Variants in SLC2A9 observed in about 807,000 individuals in gnomAD.
SLC2A9 encodes the protein solute carrier family 2 member 9.
SLC2A9 carries 39 observed loss-of-function variants against 50.6 expected under a neutral mutation model. The ratio of observed to expected loss-of-function variants is 0.77; its 90% CI spans 0.60 to 1.01. SLC2A9 has a LOEUF of 1.01. Among genes scored for constraint, SLC2A9 ranks in the 50% least tolerant of loss-of-function variants. The pLI is 0.00. For missense variants in SLC2A9, 686 were observed against 677.6 expected, an observed-to-expected ratio of 1.01 and a Z score of -0.14; for synonymous variants, 324 against 276.9, an observed-to-expected ratio of 1.17 and a Z score of -1.69.
At chr4:9,839,337 G>A (rs1367967898) in intron 10 of SLC2A9, among the ~76,000 whole-genome samples, 2 of 152,064 alleles carry the variant, frequency 1.3e-5, no homozygotes, top group Non-Finnish European at 2.9e-5. Flanking sequence ...AAAAATAACA[G>A]ATACTGGCTG....
chr4:9,949,396 G>A (rs1749792069), intron 5 of SLC2A9, among the ~76,000 whole-genome samples: 1 of 152,140 alleles, frequency 6.6e-6, no homozygotes, highest in Admixed American at 6.5e-5. Context: ...TTATAAAAAT[G>A]CTAAAACTGT....
intron 5 of SLC2A9, among the ~76,000 whole-genome samples, chr4:9,943,204 G>A (rs543120762): frequency 2.6e-5 from 4 of 152,350 alleles, no homozygotes; most frequent in African/African-American, 9.6e-5. Context: ...TGAAGGGAGA[G>A]CAGCAGGGCC....
upstream of SLC2A9, among the ~76,000 whole-genome samples, chr4:10,023,152 C>T (rs1039663267): frequency 1.3e-5 from 2 of 152,188 alleles, no homozygotes; most frequent in Admixed American, 6.5e-5. Context: ...CTGGAAGAGG[C>T]GGCTTCTGAG....
intron 3 of SLC2A9, among the ~76,000 whole-genome samples, chr4:9,810,782 G>A (rs550128402): frequency 1.3e-5 from 2 of 152,210 alleles, no homozygotes; most frequent in Non-Finnish European, 2.9e-5. Flanking sequence ...CATTTCCAAA[G>A]GAAGGAGAGA....
chr4:10,038,131 C>G (rs764289336), intron 1 of SLC2A9, among the ~76,000 whole-genome samples: 9 of 152,050 alleles, frequency 5.9e-5, no homozygotes, highest in Non-Finnish European at 8.8e-5. Context: ...TGATTTTTCT[C>G]CCTAAGACTT....
intron 2 of SLC2A9, among the ~76,000 whole-genome samples, chr4:9,997,379 C>T (rs1299608158): frequency 3.3e-5 from 5 of 152,058 alleles, no homozygotes; most frequent in African/African-American, 4.8e-5. Context: ...TCTAGTGCAC[C>T]GCAGCATTGC....
intron 3 of SLC2A9, chr4:9,783,326 C>T (rs1718770433): frequency 1.9e-6 from 3 of 1,614,218 alleles, no homozygotes; most frequent in South Asian, 1.1e-5. Context: ...GGAGGAGGGT[C>T]CTTTCGATCG....
At chr4:9,996,192 T>C (rs13118801) in intron 3 of SLC2A9, among the ~76,000 whole-genome samples, 9,564 of 152,284 alleles carry the variant, frequency 0.063, 628 homozygotes, top group East Asian at 0.39. Flanking sequence ...TGAAATGACC[T>C]AAATGTCTCT....
downstream of SLC2A9, among the ~76,000 whole-genome samples, chr4:9,794,637 T>C (rs1038171399): frequency 1.3e-5 from 2 of 152,142 alleles, no homozygotes; most frequent in Non-Finnish European, 2.9e-5. Context: ...AGTGTGGGGA[T>C]GACAGATTGC....
chr4:9,887,448 C>G, intron 10 of SLC2A9, 119 bp downstream of exon 10: 1 of 935,386 alleles, frequency 1.1e-6, no homozygotes, highest in Non-Finnish European at 1.6e-6. Flanking sequence ...AGACACACAT[C>G]CCCAGTCAGG....
At position 9,901,398 on chromosome 4, in the gene SLC2A9, T is replaced by C. The variant is rs187365313; in HGVS notation, c.1113+6837A>G. On this transcript the variant is annotated intron_variant, in intron 8 of 11. Coordinates refer to ENST00000264784, the MANE Select transcript of SLC2A9 (RefSeq NM_020041.3). ...AACTCAGTCCTTTCGAGGCCAGTTC[T>C]AGAGCACATGTCAGTGTGATGATTC... Among the ~76,000 whole-genome samples, 81 of 152,284 alleles carry C rather than the reference T, an allele frequency of 5.3e-4. 3 individuals carry two copies. In the East Asian group the frequency reaches 0.012, roughly 22 times the overall value.
chr4:9,918,846 G>A (rs574049897), intron 7 of SLC2A9, among the ~76,000 whole-genome samples: 32 of 152,296 alleles, frequency 2.1e-4, no homozygotes, highest in African/African-American at 7.5e-4. Flanking sequence ...CCGACTTAAA[G>A]ATTGAAGATC....
At chr4:9,892,778 A>T (rs2109810046) in intron 8 of SLC2A9, among the ~76,000 whole-genome samples, 1 of 152,326 alleles carries the variant, frequency 6.6e-6, no homozygotes, top group Admixed American at 6.5e-5. Context: ...TCTTACCCGT[A>T]GCTGGCTGTG....
chr4:9,775,787 C>A (rs572987355), downstream of SLC2A9, among the ~76,000 whole-genome samples: 32 of 152,308 alleles, frequency 2.1e-4, 1 homozygote, highest in South Asian at 6.6e-3. Context: ...ACAATTCAAA[C>A]TCTTTTCTTT....
chr4:10,025,835 G>A, upstream of SLC2A9: 1 of 1,485,266 alleles, frequency 6.7e-7, no homozygotes, highest in Non-Finnish European at 9.4e-7. Context: ...TGACCCAGGG[G>A]AAAGGGGTAC....
chr4:9,986,977 T>A lies in SLC2A9; in HGVS notation c.411-1184A>T, dbSNP rs182299647. ...TAAAAGCCCACATTTATTGAACTCT[T>A]GCTATAGGATAGACCCTGCTTTAAG... On this transcript the variant is annotated intron_variant, in intron 3 of 11. Transcript: ENST00000264784. Among the ~76,000 whole-genome samples, 551 of 152,328 alleles carry A rather than the reference T, an allele frequency of 3.6e-3. 5 individuals are homozygous for A. The highest frequency in any genetic ancestry group is 0.012 in the African/African-American group (496 of 41,576).
At chr4:9,939,588 TC>T (rs1222366314) in intron 6 of SLC2A9, among the ~76,000 whole-genome samples, 3 of 150,238 alleles carry the variant, frequency 2.0e-5, no homozygotes, top group African/African-American at 7.3e-5. Context: ...AGTTATCCCA[TC>T]CTTGGTTTTT....
At chr4:9,911,804 C>T (rs138558311) in intron 7 of SLC2A9, among the ~76,000 whole-genome samples, 2 of 152,206 alleles carry the variant, frequency 1.3e-5, no homozygotes, top group African/African-American at 2.4e-5. Context: ...TGGCATATAA[C>T]AAATTGTAGG....
intron 4 of SLC2A9, among the ~76,000 whole-genome samples, chr4:9,980,972 G>T (rs1371154476): frequency 2.0e-5 from 3 of 152,170 alleles, no homozygotes; most frequent in African/African-American, 7.2e-5. Flanking sequence ...TGATGGTGTT[G>T]GTGGAGGTGA....
Sources: allele counts gnomAD v4.1 joint callset (sites outside exome capture counted in the v4.1 genomes callset), GRCh38; gene constraint gnomAD v4.1.1; transcripts MANE v1.5; gene names NCBI Gene and HGNC (gene_info 2026-07-23, HGNC 2026-07-21).